Variants in CTPS1 observed in about 807,000 individuals in gnomAD.
CTPS1 encodes CTP synthase 1.
A neutral mutation model predicts 80.5 loss-of-function variants in CTPS1; 25 were observed. The ratio of observed to expected loss-of-function variants is 0.31; its 90% CI spans 0.23 to 0.43. The LOEUF is 0.43. CTPS1 is among the 20% of genes least tolerant of loss of function. CTPS1 has a pLI of 1.00. For synonymous variants in CTPS1, 267 were observed against 252.5 expected, an observed-to-expected ratio of 1.06 and a Z score of -0.54; for missense variants, 442 against 725.7, an observed-to-expected ratio of 0.61 and a Z score of 4.49.
intron 12 of CTPS1, 63 bp downstream of exon 12, chr1:41,003,239 T>C: frequency 6.4e-7 from 1 of 1,568,600 alleles, no homozygotes. Flanking sequence ...ATATGAGGCC[T>C]GTTGCCGCCT....
chr1:41,001,984 A>G (rs1199260897), intron 10 of CTPS1, among the ~76,000 whole-genome samples, 176 bp from the exon 11 acceptor site: 7 of 152,248 alleles, frequency 4.6e-5, no homozygotes, highest in African/African-American at 1.7e-4. Context: ...AAAAGTCCAT[A>G]GTTTCATATG....
At chr1:40,998,396 TAAAA>T (rs56282224) in intron 9 of CTPS1, among the ~76,000 whole-genome samples, 1 of 64,608 alleles carries the variant, frequency 1.5e-5, no homozygotes, top group Non-Finnish European at 2.7e-5. Context: ...AGACTCTGTC[TAAAA>T]AAAAAAAAAA....
intron 3 of CTPS1, among the ~76,000 whole-genome samples, chr1:40,985,255 G>A (rs1480147715): frequency 1.3e-5 from 2 of 152,234 alleles, no homozygotes; most frequent in Non-Finnish European, 2.9e-5. Flanking sequence ...AGCATGATAC[G>A]AGTCCAGAGA....
chr1:40,988,748 G>T (rs557725962), intron 5 of CTPS1, 38 bp downstream of exon 5: 2 of 1,346,748 alleles, frequency 1.5e-6, no homozygotes, highest in Admixed American at 1.7e-5. Flanking sequence ...TGGGGGAGAT[G>T]GAGAGGAGGG....
At chr1:40,982,102 A>G (rs1036103335) in intron 1 of CTPS1, 19 of 828,980 alleles carry the variant, frequency 2.3e-5, no homozygotes, top group Non-Finnish European at 3.3e-5. Context: ...CCAGTGATAA[A>G]TCCTCCGTGG....
chr1:41,007,381 G>A lies in CTPS1; in HGVS notation c.1297-68G>A. 1.5e-6 allele frequency: 2 copies of A among 1,362,754 alleles called. No individual in the cohort carries two copies. The highest frequency in any genetic ancestry group is 3.4e-5 in the Admixed American group (2 of 58,250). 84.4% of individuals were successfully genotyped at this position (1,362,754 alleles called of 1,614,324 possible). ...CTTACAAGCCTTTGCCACCCACTCA[G>A]CGAGGGAGGTTTCTCTCTAGCGGAA... On this transcript the variant is annotated intron_variant, in intron 13 of 18. Coordinates refer to ENST00000650070, the MANE Select transcript of CTPS1 (RefSeq NM_001905.4). The surrounding 1 kb of genome is among the most constrained non-coding windows in gnomAD (Gnocchi z 4.4).
At chr1:40,997,624 G>T in intron 9 of CTPS1, 98 bp downstream of exon 9, 1 of 1,397,208 alleles carries the variant, frequency 7.2e-7, no homozygotes, top group Non-Finnish European at 9.6e-7. Context: ...TTGGAGCTCA[G>T]AATTACTTTT....
intron 4 of CTPS1, 66 bp downstream of exon 4, chr1:40,987,538 TA>T: frequency 8.5e-7 from 1 of 1,177,224 alleles, no homozygotes; most frequent in Non-Finnish European, 1.3e-6. Context: ...CAATAACTGA[TA>T]AGACAGTTCC....
At chr1:41,002,887 C>T (rs547345820) in intron 11 of CTPS1, among the ~76,000 whole-genome samples, 10 of 152,262 alleles carry the variant, frequency 6.6e-5, no homozygotes, top group Admixed American at 1.3e-4. Flanking sequence ...CTTCTAAAAT[C>T]GGATAACTTT....
chr1:41,010,203 T>C lies in CTPS1; in HGVS notation c.1734T>C (p.Ser578=), dbSNP rs768984457. 1.7e-5 allele frequency: 27 copies of C among 1,614,070 alleles called. No individual in the cohort carries two copies. The Middle Eastern group carries it at 2.6e-3, about 158-fold the overall frequency. The change falls in exon 18 of 19, where the codon TCT becomes TCC. Residue 578 remains serine (S), a synonymous_variant. Transcript: ENST00000650070. ...SDRSGSSSPD[S]EITELKFPSI... ...GGAGTGGAAGCAGCTCCCCTGACTC[T>C]GAAATCACCGAACTGAAGTTTCCAT... is the stretch of plus-strand genomic sequence containing the variant.
At chr1:41,000,878 TTGATCACTTTAAAGCCAGTATTAAGA>T (rs1642886973) in intron 9 of CTPS1, 125 bp from the exon 10 acceptor site, 2 of 423,176 alleles carry the variant, frequency 4.7e-6, no homozygotes, top group Non-Finnish European at 8.5e-6. Flanking sequence ...ATATATTAAG[TTGATCACTTTAAAGCCAGTATTAAGA>T]TGATCACTTT....
intron 7 of CTPS1, among the ~76,000 whole-genome samples, chr1:40,994,908 T>G (rs1038273351): frequency 1.3e-5 from 2 of 152,226 alleles, no homozygotes; most frequent in African/African-American, 4.8e-5. Flanking sequence ...CTGAGGGAAT[T>G]GTTTTCCTCC....
rs780693225 is a variant in CTPS1, at chr1:40,984,771, T to C, written c.167-50T>C. On this transcript the variant is annotated intron_variant, in intron 2 of 18. Transcript: ENST00000650070. ...TTATTTCAGGATTGCAGTTGTGCCA[T>C]GGTATAGGTATTTTTCACTTAACGT... 102 of 1,342,666 alleles carry C rather than the reference T, an allele frequency of 7.6e-5. No individual in the cohort carries two copies. The Middle Eastern group carries it at 9.8e-4, about 13-fold the overall frequency. 83.2% of individuals were successfully genotyped at this position (1,342,666 alleles called of 1,614,324 possible).
chr1:40,998,031 G>A (rs1642799315), intron 9 of CTPS1, among the ~76,000 whole-genome samples: 1 of 152,200 alleles, frequency 6.6e-6, no homozygotes, highest in African/African-American at 2.4e-5. Context: ...ATGGCGGGCA[G>A]CAGCTGAGCT....
chr1:40,989,566 C>T (rs1036258202), intron 5 of CTPS1, among the ~76,000 whole-genome samples: 3 of 152,114 alleles, frequency 2.0e-5, no homozygotes, highest in African/African-American at 7.2e-5. Context: ...TACACACTCA[C>T]ACATAACTTA....
chr1:40,983,119 C>G lies in CTPS1; in HGVS notation c.-13-159C>G, dbSNP rs571425361. ...GATCCAAGAAATGTTTGTTTTGATC[C>G]TATTTAAACCTGACGAGAACCTTCT... On this transcript the variant is annotated intron_variant, in intron 1 of 18. Coordinates refer to ENST00000650070, the MANE Select transcript of CTPS1 (RefSeq NM_001905.4). The G allele has an allele frequency of 2.2e-5, 12 of 534,014 alleles. No homozygotes were observed. In the South Asian group the frequency reaches 4.0e-4, roughly 18 times the overall value. The allele number at this position is 534,014 out of a possible 1,614,324, so 33.1% of individuals were successfully genotyped here.
chr1:40,995,630 C>G (rs555337236), intron 7 of CTPS1, among the ~76,000 whole-genome samples: 1 of 152,226 alleles, frequency 6.6e-6, no homozygotes, highest in African/African-American at 2.4e-5. Context: ...AACTCCTGAG[C>G]TCGAGCAATC....
intron 17 of CTPS1, 33 bp downstream of exon 17, chr1:41,009,622 G>A: frequency 6.2e-7 from 1 of 1,612,526 alleles, no homozygotes; most frequent in Non-Finnish European, 8.5e-7. Context: ...TAATCCATTA[G>A]TCTTCTCTAG....
At chr1:41,005,326 C>A (rs1254847475) in intron 12 of CTPS1, among the ~76,000 whole-genome samples, 4 of 152,060 alleles carry the variant, frequency 2.6e-5, no homozygotes, top group Non-Finnish European at 5.9e-5. Context: ...TACCTGTAAT[C>A]CCAGCTACTC....
Sources: gnomAD v4.1 joint callset for allele counts (sites outside exome capture counted in the v4.1 genomes callset) on GRCh38, gnomAD v4.1.1 for gene constraint, Gnocchi (gnomAD v3.1) non-coding constraint, MANE v1.5 for transcripts, NCBI Gene and HGNC (gene_info 2026-07-23, HGNC 2026-07-21) for gene names.